Variants in HEG1 observed in about 807,000 individuals in gnomAD.
The protein encoded by HEG1 is heart development protein with EGF like domains 1.
HEG1 carries 56 observed loss-of-function variants against 125.6 expected under a neutral mutation model. The ratio of observed to expected loss-of-function variants is 0.45; its 90% CI spans 0.36 to 0.56. The LOEUF (loss-of-function observed/expected upper bound fraction) is 0.56, where lower values mean the gene tolerates loss of function less well. HEG1 is among the 20% of genes least tolerant of loss of function. The pLI is 0.00. For synonymous variants in HEG1, 644 were observed against 668.5 expected (o/e 0.96, Z 0.57); for missense variants, 1,523 against 1,670.0 (o/e 0.91, Z 1.53).
chr3:124,973,126 A>G (rs2107685619), intron 16 of HEG1, among the ~76,000 whole-genome samples: 1 of 151,910 alleles, frequency 6.6e-6, no homozygotes, highest in African/African-American at 2.4e-5. Flanking sequence ...AACTCAAGCA[A>G]TCCTCCCATC....
rs1368834238 is a variant in HEG1, at chr3:125,010,503, G to A, written c.3009C>T (p.Asp1003=). The change falls in exon 7 of 17, where the codon GAC becomes GAT. Residue 1003 remains aspartate, a synonymous_variant. Coordinates refer to ENST00000311127, the MANE Select transcript of HEG1 (RefSeq NM_020733.2). ...PCLHNGECVA[D]NTSRGYHCRC... is the part of the protein sequence containing the mutation. ...TGCAGTGGTAGCCACGGCTGGTGTT[G>A]TCTGCGACGCATTCGCCATTGTGAA... 1.3e-6 allele frequency: 2 copies of A among 1,560,480 alleles called. No homozygotes were observed. Among genetic ancestry groups the A allele is most frequent in the South Asian group, 2.4e-5 (2 of 84,486 alleles).
At chr3:124,995,511 G>C (rs1936906936) in intron 12 of HEG1, among the ~76,000 whole-genome samples, 1 of 152,198 alleles carries the variant, frequency 6.6e-6, no homozygotes, top group Admixed American at 6.5e-5. Context: ...TGTATAGCTT[G>C]AACTGCAGTG....
intron 5 of HEG1, chr3:125,014,842 T>A: frequency 7.8e-7 from 1 of 1,289,832 alleles, no homozygotes; most frequent in South Asian, 1.2e-5. Flanking sequence ...TCCCCAGAAG[T>A]CGTGCTCATG....
intron 12 of HEG1, among the ~76,000 whole-genome samples, chr3:124,994,428 G>A (rs1936883123): frequency 6.6e-6 from 1 of 152,142 alleles, no homozygotes; most frequent in Admixed American, 6.5e-5. Context: ...TTCCCAAACT[G>A]GGCTTCCCCT....
At position 125,024,836 on chromosome 3, in the gene HEG1, ATTCC is replaced by A. The variant is rs1937392248; in HGVS notation, c.913+2365_913+2368del. On this transcript the variant is annotated intron_variant, in intron 3 of 16. Transcript: ENST00000311127. ...AGAATCTTTCAGATCATCTGGTCAA[ATTCC>A]TTCATGTTCCAAATAAGGAGCCACC... 2.0e-5 allele frequency among the ~76,000 whole-genome samples: 3 copies of A among 152,278 alleles called. No individual in the cohort carries two copies. The South Asian group carries it at 6.2e-4, about 32-fold the overall frequency.
At chr3:124,996,320 G>A (rs1229799451) in intron 12 of HEG1, among the ~76,000 whole-genome samples, 2 of 152,084 alleles carry the variant, frequency 1.3e-5, no homozygotes, top group Non-Finnish European at 2.9e-5. Context: ...CCGATCTCAG[G>A]TGATCTGCCC....
chr3:125,042,335 C>G (rs748337078), intron 1 of HEG1, among the ~76,000 whole-genome samples: 1 of 152,046 alleles, frequency 6.6e-6, no homozygotes, highest in Non-Finnish European at 1.5e-5. Context: ...GGCTGAGGTA[C>G]AAGAATCACT....
intron 11 of HEG1, among the ~76,000 whole-genome samples, chr3:124,999,082 C>T (rs1161975517): frequency 1.3e-5 from 2 of 152,160 alleles, no homozygotes; most frequent in African/African-American, 2.4e-5. Flanking sequence ...AGCTGCCACC[C>T]CACATGGGGT....
intron 3 of HEG1, among the ~76,000 whole-genome samples, chr3:125,026,579 A>C (rs1049776026): frequency 1.3e-5 from 2 of 152,120 alleles, no homozygotes; most frequent in Non-Finnish European, 2.9e-5. Context: ...AAAAATGTAC[A>C]CTCATGTTTT....
intron 1 of HEG1, among the ~76,000 whole-genome samples, chr3:125,048,292 C>T (rs1269108361): frequency 6.6e-6 from 1 of 152,232 alleles, no homozygotes; most frequent in Non-Finnish European, 1.5e-5. Context: ...CAACCAGAGC[C>T]CCATACCATG....
At chr3:124,991,514 T>C (rs1341255145) in intron 12 of HEG1, among the ~76,000 whole-genome samples, 2 of 152,208 alleles carry the variant, frequency 1.3e-5, no homozygotes, top group African/African-American at 2.4e-5. Context: ...CTCCCAGCTA[T>C]AAAAAGTATT....
At chr3:125,025,539 T>C (rs978594467) in intron 3 of HEG1, among the ~76,000 whole-genome samples, 2 of 152,226 alleles carry the variant, frequency 1.3e-5, no homozygotes, top group African/African-American at 2.4e-5. Flanking sequence ...GGACAATTAA[T>C]TTTTTAGTGT....
Position 124,979,736 on chromosome 3 carries a change from A to G in HEG1, c.3734-1790T>C, listed in dbSNP as rs548636195. Among the ~76,000 whole-genome samples the G allele has an allele frequency of 7.2e-5, 11 of 152,292 alleles. No homozygotes were observed. In the South Asian group the frequency reaches 8.3e-4, roughly 11 times the overall value. ...ATCACGAGGTCAGGAGATTGAGACC[A>G]TCCTGGCTAACACGGTGAAACCCCG... On this transcript the variant is annotated intron_variant, in intron 14 of 16. Coordinates refer to ENST00000311127, the MANE Select transcript of HEG1 (RefSeq NM_020733.2).
At position 124,998,127 on chromosome 3, in the gene HEG1, T is replaced by G. The variant is rs533606124; in HGVS notation, c.3518-304A>C. 3.4e-3 allele frequency among the ~76,000 whole-genome samples: 512 copies of G among 152,162 alleles called. 5 individuals carry two copies. The highest frequency in any genetic ancestry group is 0.017 in the Middle Eastern group (5 of 292). ...GGAATAAACAGGCCCTGTTCACTCC[T>G]CTGGTGCTCACTGCAAATACAGCCC... On this transcript the variant is annotated intron_variant, in intron 11 of 16. Transcript: ENST00000311127.
In HEG1 at chr3:125,017,862, T is replaced by TA. The variant is rs1197912056; in HGVS notation, c.1588+1399dup. On this transcript the variant is annotated intron_variant, in intron 5 of 16. Coordinates refer to ENST00000311127, the MANE Select transcript of HEG1 (RefSeq NM_020733.2). ...GGTGAAACCCTGTCTCTACTGAAAA[T>TA]ATAAAAAAAAAAAAAAATTAGCCAG... 1.5e-3 allele frequency among the ~76,000 whole-genome samples: 217 copies of TA among 141,202 alleles called. 3 individuals carry two copies. The Middle Eastern group carries it at 0.022, about 14-fold the overall frequency. The allele number at this position is 141,202 out of a possible 152,430, so 92.6% of individuals were successfully genotyped here. A position where few individuals can be genotyped will look rare whatever the true frequency, so the allele number is the denominator to read the frequency against.
intron 1 of HEG1, among the ~76,000 whole-genome samples, chr3:125,031,161 G>T: frequency 6.6e-6 from 1 of 152,114 alleles, no homozygotes; most frequent in Non-Finnish European, 1.5e-5. Context: ...GTCAGAGCAG[G>T]TGCGTGGGAT....
intron 14 of HEG1, among the ~76,000 whole-genome samples, chr3:124,986,888 A>C (rs1936748087): frequency 6.6e-6 from 1 of 152,184 alleles, no homozygotes; most frequent in Non-Finnish European, 1.5e-5. Flanking sequence ...ATCCCCAAAC[A>C]TGTATAGTAC....
At chr3:124,996,470 T>C (rs72980417) in intron 12 of HEG1, among the ~76,000 whole-genome samples, 1 of 152,104 alleles carries the variant, frequency 6.6e-6, no homozygotes, top group Non-Finnish European at 1.5e-5. Flanking sequence ...TTTGTAGCAA[T>C]GTGGCAGTCT....
Position 125,012,803 on chromosome 3 carries a change from C to A in HEG1, c.2776G>T (p.Glu926Ter). ...PLTSVPTSAK[E>*]MTTKLGVTAE... is the part of the protein sequence containing the mutation. ...GTAACGCCAAGCTTTGTGGTCATTTCTTTTGCTGATGTGGGTACACTGGTC... is the reference window on the plus strand; with the variant it reads ...GTAACGCCAAGCTTTGTGGTCATTTATTTTGCTGATGTGGGTACACTGGTC... The change falls in exon 6 of 17, where the codon GAA becomes TAA. Residue 926 changes from glutamate to a stop codon, truncating the protein, a stop_gained. Transcript: ENST00000311127. LOFTEE classifies it high-confidence loss of function. 2 of 1,614,068 alleles carry A rather than the reference C, an allele frequency of 1.2e-6. No individual in the cohort carries two copies. The highest frequency in any genetic ancestry group is 1.7e-6 in the Non-Finnish European group (2 of 1,179,908).
Sources: gnomAD v4.1 joint callset for allele counts (sites outside exome capture counted in the v4.1 genomes callset) on GRCh38, gnomAD v4.1.1 for gene constraint, MANE v1.5 for transcripts, NCBI Gene and HGNC (gene_info 2026-07-23, HGNC 2026-07-21) for gene names.